The following CUL3 variants were observed in gnomAD, a reference collection of about 807,000 sequenced individuals.
CUL3 encodes cullin-3.
A neutral mutation model predicts 89.1 loss-of-function variants in CUL3; 19 were observed. That is an observed-to-expected ratio of 0.21 (90% confidence interval 0.15 to 0.31). CUL3 has a LOEUF of 0.31. Among genes scored for constraint, CUL3 ranks in the 10% least tolerant of loss-of-function variants. The probability of loss-of-function intolerance (pLI) is 1.00; values close to 1 mark genes in which losing one functional copy is unlikely to be tolerated. For synonymous variants in CUL3, 351 were observed against 308.4 expected, an observed-to-expected ratio of 1.14 and a Z score of -1.45; for missense variants, 469 against 942.3, an observed-to-expected ratio of 0.50 and a Z score of 6.58.
intron 1 of CUL3, among the ~76,000 whole-genome samples, chr2:224,563,591 C>A (rs1694968769): frequency 6.6e-6 from 1 of 152,116 alleles, no homozygotes; most frequent in Admixed American, 6.5e-5. Flanking sequence ...CCAACCACTG[C>A]CTGAAAATAT....
At chr2:224,512,094 T>C (rs544869884) in intron 5 of CUL3, among the ~76,000 whole-genome samples, 1 of 142,274 alleles carries the variant, frequency 7.0e-6, no homozygotes, top group East Asian at 2.1e-4. Context: ...ACTATTCATC[T>C]TTTTTTTCTT....
chr2:224,534,561 G>A (rs1268108241), intron 3 of CUL3, among the ~76,000 whole-genome samples: 3 of 152,116 alleles, frequency 2.0e-5, no homozygotes, highest in Non-Finnish European at 2.9e-5. Flanking sequence ...AACTCTTAAG[G>A]AGATGTTAAT....
At chr2:224,490,964 T>C (rs972761449) in intron 13 of CUL3, among the ~76,000 whole-genome samples, 7 of 152,160 alleles carry the variant, frequency 4.6e-5, no homozygotes, top group Non-Finnish European at 8.8e-5. Context: ...ATCCCATAAA[T>C]ATATACATGT....
intron 15 of CUL3, among the ~76,000 whole-genome samples, chr2:224,476,044 G>C (rs1052462050): frequency 1.4e-4 from 21 of 150,418 alleles, no homozygotes; most frequent in Non-Finnish European, 5.9e-5. Context: ...TTTTTTTTGA[G>C]ATGGAGTCTC....
intron 3 of CUL3, chr2:224,533,042 C>A (rs1171649330): frequency 6.6e-6 from 1 of 152,058 alleles, no homozygotes; most frequent in Non-Finnish European, 1.5e-5. Context: ...AGGGAGGAAA[C>A]CCAAGGGAGA....
chr2:224,561,867 A>C (rs2106311932), intron 1 of CUL3, among the ~76,000 whole-genome samples: 1 of 152,216 alleles, frequency 6.6e-6, no homozygotes, highest in East Asian at 1.9e-4. Flanking sequence ...CTAATAAAGC[A>C]AACTAAGACA....
chr2:224,550,157 C>T (rs1457232228), intron 2 of CUL3, among the ~76,000 whole-genome samples: 1 of 151,962 alleles, frequency 6.6e-6, no homozygotes, highest in African/African-American at 2.4e-5. Context: ...CATGGGGACC[C>T]GAAGTGTTTC....
intron 2 of CUL3, among the ~76,000 whole-genome samples, chr2:224,544,870 A>G (rs1339338231): frequency 1.3e-5 from 2 of 151,950 alleles, no homozygotes; most frequent in African/African-American, 4.8e-5. Flanking sequence ...CTGATCTAAA[A>G]GGTTAAAAAG....
intron 3 of CUL3, among the ~76,000 whole-genome samples, chr2:224,527,945 A>G (rs2106249362): frequency 6.6e-6 from 1 of 152,302 alleles, no homozygotes; most frequent in African/African-American, 2.4e-5. Flanking sequence ...GAGGCTAAGT[A>G]CCCTGGAAAA....
At position 224,490,494 on chromosome 2, in the gene CUL3, C is replaced by A. The variant is rs117060888; in HGVS notation, c.1842+5338G>T. The stretch of plus-strand genomic sequence containing the variant: ...GCATTCGGGGCCCTACCGGTTTCCG[C>A]GTCTTGGTGGTAGTGGTCCCCCGGG... On this transcript the variant is annotated intron_variant, in intron 13 of 15. Transcript: ENST00000264414. 5.9e-5 allele frequency among the ~76,000 whole-genome samples: 9 copies of A among 152,036 alleles called. No individual in the cohort carries two copies. In the South Asian group the frequency reaches 1.3e-3, roughly 21 times the overall value.
At chr2:224,516,602 T>C (rs1693060321) in intron 3 of CUL3, among the ~76,000 whole-genome samples, 1 of 144,442 alleles carries the variant, frequency 6.9e-6, no homozygotes, top group Non-Finnish European at 1.5e-5. Flanking sequence ...GGCGCGAGCC[T>C]CTGAGCCCAG....
At chr2:224,568,675 C>T (rs887675738) in intron 1 of CUL3, among the ~76,000 whole-genome samples, 18 of 152,090 alleles carry the variant, frequency 1.2e-4, no homozygotes, top group African/African-American at 3.9e-4. Context: ...AAAGGCCTCA[C>T]CCAGAAGGCT....
Position 224,485,373 on chromosome 2 carries a change from G to T in CUL3, c.1843-3295C>A, listed in dbSNP as rs965091081. On this transcript the variant is annotated intron_variant, in intron 13 of 15. Coordinates refer to ENST00000264414, the MANE Select transcript of CUL3 (RefSeq NM_003590.5). This position sits in a 1 kb window ranked among gnomAD's most constrained non-coding sequence, Gnocchi z 4.1. The stretch of plus-strand genomic sequence containing the variant: ...CAGCAAGCAAGCTAAGATCCACTGG[G>T]TTGAAATTCTCACTGCCAGCACAGC... The T allele has an allele frequency of 6.6e-6, 1 of 152,378 alleles. No homozygotes were observed. The highest frequency in any genetic ancestry group is 1.5e-5 in the Non-Finnish European group (1 of 68,182). 9.4% of individuals were successfully genotyped at this position (152,378 alleles called of 1,614,324 possible).
At chr2:224,480,940 G>A (rs1691516711) in intron 14 of CUL3, among the ~76,000 whole-genome samples, 1 of 151,988 alleles carries the variant, frequency 6.6e-6, no homozygotes, top group African/African-American at 2.4e-5. Context: ...GACAAAGGGG[G>A]CAAAGCCTTG....
chr2:224,496,001 C>A, intron 12 of CUL3, 35 bp from the exon 13 acceptor site: 1 of 1,604,272 alleles, frequency 6.2e-7, no homozygotes, highest in Non-Finnish European at 8.5e-7. Context: ...AACAAAGACA[C>A]AATCATTTCC....
chr2:224,509,989 G>A (rs1376435909), intron 6 of CUL3, among the ~76,000 whole-genome samples: 1 of 152,092 alleles, frequency 6.6e-6, no homozygotes, highest in East Asian at 1.9e-4. Context: ...AGGAAAAACT[G>A]TAAAGAATGC....
chr2:224,569,365 T>C (rs2106319443), intron 1 of CUL3, among the ~76,000 whole-genome samples: 1 of 152,294 alleles, frequency 6.6e-6, no homozygotes, highest in African/African-American at 2.4e-5. Flanking sequence ...GCAAGCAAAT[T>C]AAATTCATTC....
chr2:224,573,216 A>G, intron 1 of CUL3, among the ~76,000 whole-genome samples: 1 of 152,226 alleles, frequency 6.6e-6, no homozygotes, highest in East Asian at 1.9e-4. Flanking sequence ...CAAAAATCAA[A>G]GTATTTTAGA....
At chr2:224,530,234 G>A (rs756108208) in intron 3 of CUL3, among the ~76,000 whole-genome samples, 1 of 151,894 alleles carries the variant, frequency 6.6e-6, no homozygotes, top group African/African-American at 2.4e-5. Context: ...GTGAGACTCC[G>A]TCTCAAAAAA....
Sources: gnomAD v4.1 joint callset for allele counts (sites outside exome capture counted in the v4.1 genomes callset) on GRCh38, gnomAD v4.1.1 for gene constraint, Gnocchi (gnomAD v3.1) non-coding constraint, MANE v1.5 for transcripts, NCBI Gene and HGNC (gene_info 2026-07-23, HGNC 2026-07-21) for gene names.